The following GLIS3 variants were observed in gnomAD, a reference collection of about 807,000 sequenced individuals.
GLIS3 encodes zinc finger protein GLIS3.
GLIS3 carries 53 observed loss-of-function variants against 78.6 expected under a neutral mutation model. The ratio of observed to expected loss-of-function variants is 0.67; its 90% confidence interval spans 0.54 to 0.85. GLIS3 has a LOEUF of 0.85. Ranked by LOEUF, GLIS3 falls within the 40% of genes least tolerant of loss-of-function variation. The pLI is 0.00. For missense variants in GLIS3, 1,703 were observed against 1,231.1 expected (o/e 1.38, Z -5.74); for synonymous variants, 684 against 509.9 (o/e 1.34, Z -4.60).
At chr9:4,188,197 T>G (rs1319614493) in intron 2 of GLIS3, among the ~76,000 whole-genome samples, 2 of 151,790 alleles carry the variant, frequency 1.3e-5, no homozygotes, top group African/African-American at 4.8e-5. Flanking sequence ...TTGAGACGTT[T>G]TAGCATGAAG....
intron 4 of GLIS3, among the ~76,000 whole-genome samples, chr9:4,027,776 G>T (rs768962947): frequency 6.6e-5 from 10 of 152,130 alleles, no homozygotes; most frequent in Non-Finnish European, 1.0e-4. Flanking sequence ...CAGTTTCCAG[G>T]CAGACGAGGC....
At chr9:4,232,237 G>A (rs1430794569) in intron 2 of GLIS3, among the ~76,000 whole-genome samples, 2 of 151,766 alleles carry the variant, frequency 1.3e-5, no homozygotes, top group Admixed American at 6.6e-5. Flanking sequence ...AAATTAGCCA[G>A]GCATGGTGGC....
chr9:3,893,364 C>T (rs1822591230), intron 7 of GLIS3, among the ~76,000 whole-genome samples: 1 of 152,154 alleles, frequency 6.6e-6, no homozygotes, highest in Non-Finnish European at 1.5e-5. Context: ...AATTAAGCAG[C>T]CTGCAAACAT....
chr9:4,361,971 G>C, the GLIS3 span, among the ~76,000 whole-genome samples: 1 of 152,136 alleles, frequency 6.6e-6, no homozygotes, highest in Non-Finnish European at 1.5e-5. Flanking sequence ...CAGTTTAATG[G>C]GAAAAATCTA....
intron 4 of GLIS3, among the ~76,000 whole-genome samples, chr9:4,011,412 T>G (rs1821997611): frequency 2.0e-5 from 3 of 152,152 alleles, no homozygotes; most frequent in African/African-American, 4.8e-5. Flanking sequence ...GAAATGTGTT[T>G]TGTTACGAGG....
chr9:4,330,628 T>C (rs1421446416), intron 2 of GLIS3, among the ~76,000 whole-genome samples: 1 of 135,716 alleles, frequency 7.4e-6, no homozygotes, highest in East Asian at 2.1e-4. Context: ...GAAGGTTGGA[T>C]GGAGATGAGG....
intron 4 of GLIS3, among the ~76,000 whole-genome samples, chr9:4,013,935 C>T (rs371086340): frequency 6.6e-6 from 1 of 152,266 alleles, no homozygotes; most frequent in African/African-American, 2.4e-5. Context: ...TATTTCAGCA[C>T]AAGAATGCTC....
At chr9:4,084,005 G>T (rs1828778380) in intron 4 of GLIS3, among the ~76,000 whole-genome samples, 1 of 152,110 alleles carries the variant, frequency 6.6e-6, no homozygotes, top group South Asian at 2.1e-4. Flanking sequence ...CCTCTCTCCA[G>T]GAGTTCAGAT....
At chr9:4,470,790 A>C in the GLIS3 span, among the ~76,000 whole-genome samples, 3 of 152,018 alleles carry the variant, frequency 2.0e-5, no homozygotes, top group Non-Finnish European at 2.9e-5. Context: ...AGGGTATTCA[A>C]TTAGGAAAAG....
chr9:4,051,770 G>A (rs541775560), intron 4 of GLIS3, among the ~76,000 whole-genome samples: 1 of 152,268 alleles, frequency 6.6e-6, no homozygotes, highest in South Asian at 2.1e-4. Flanking sequence ...TATGTCAGAT[G>A]GATGACACAC....
intron 1 of GLIS3, among the ~76,000 whole-genome samples, chr9:4,292,307 C>G (rs7852461): frequency 1 from 152,224 of 152,330 alleles, 76,059 homozygotes; most frequent in Non-Finnish European, 1. Flanking sequence ...TAATGGTGAA[C>G]TATTGGTTTT....
intron 2 of GLIS3, among the ~76,000 whole-genome samples, chr9:4,173,411 G>A (rs761957087): frequency 2.0e-5 from 3 of 151,930 alleles, no homozygotes; most frequent in South Asian, 2.1e-4. Context: ...ACCGTGCCAC[G>A]TGTGTCTTCT....
chr9:4,410,664 G>A, the GLIS3 span, among the ~76,000 whole-genome samples: 3 of 152,200 alleles, frequency 2.0e-5, no homozygotes, highest in Non-Finnish European at 4.4e-5. Flanking sequence ...AGAAATAGCA[G>A]CATTAAATTC....
At chr9:4,337,065 A>C (rs1817766398) in intron 2 of GLIS3, among the ~76,000 whole-genome samples, 1 of 152,244 alleles carries the variant, frequency 6.6e-6, no homozygotes, top group African/African-American at 2.4e-5. Context: ...AACCTATCAA[A>C]TTAGGAAAAG....
Position 4,261,436 on chromosome 9 carries a change from T to C in GLIS3, c.388+24602A>G, listed in dbSNP as rs1363796922. Among the ~76,000 whole-genome samples, 7 of 152,218 alleles carry C rather than the reference T, an allele frequency of 4.6e-5. No individual in the cohort carries two copies. In the East Asian group the frequency reaches 5.8e-4, roughly 13 times the overall value. ...GAGAACAGAAGGGATGGTGAAAGTATGAATGGAAACATGGAGATTAGGAAG... is the reference window on the plus strand; with the variant it reads ...GAGAACAGAAGGGATGGTGAAAGTACGAATGGAAACATGGAGATTAGGAAG... On this transcript the variant is annotated intron_variant, in intron 2 of 10. Coordinates refer to ENST00000381971, the MANE Select transcript of GLIS3 (RefSeq NM_001042413.2).
At chr9:4,462,568 G>A in the GLIS3 span, among the ~76,000 whole-genome samples, 6 of 151,224 alleles carry the variant, frequency 4.0e-5, no homozygotes, top group South Asian at 6.3e-4. Flanking sequence ...ATCAGCCTGG[G>A]CAACATAGCG....
intron 4 of GLIS3, among the ~76,000 whole-genome samples, chr9:4,079,059 A>G (rs967042682): frequency 2.6e-5 from 4 of 152,214 alleles, no homozygotes; most frequent in African/African-American, 9.6e-5. Flanking sequence ...AATGCAAACA[A>G]GATATTTCAT....
chr9:3,942,246 T>A (rs1815979885), intron 4 of GLIS3, among the ~76,000 whole-genome samples: 1 of 152,212 alleles, frequency 6.6e-6, no homozygotes, highest in Admixed American at 6.5e-5. Context: ...ATACATTTGA[T>A]TTGAATTAAG....
At position 4,295,521 on chromosome 9, in the gene GLIS3, A is replaced by T. The variant is rs76987886; in HGVS notation, c.-99+3900T>A. Among the ~76,000 whole-genome samples the T allele has an allele frequency of 3.4e-3, 525 of 152,314 alleles. 2 individuals carry two copies. Among genetic ancestry groups the T allele is most frequent in the African/African-American group, 0.012 (505 of 41,564 alleles). On this transcript the variant is annotated intron_variant, in intron 1 of 10. Transcript: ENST00000381971. The stretch of plus-strand genomic sequence containing the variant: ...TTGAGCGAAAGAAGCCAGACCCAAG[A>T]GTGCATATTGAATTATTCCATTTAC...
Sources: gnomAD v4.1 joint callset for allele counts (sites outside exome capture counted in the v4.1 genomes callset) on GRCh38, gnomAD v4.1.1 for gene constraint, MANE v1.5 for transcripts, NCBI Gene and HGNC (gene_info 2026-07-23, HGNC 2026-07-21) for gene names.